HECTD4: variants seen among roughly 807,000 people sequenced by gnomAD.
HECTD4 encodes HECT domain E3 ubiquitin protein ligase 4, also known as probable E3 ubiquitin-protein ligase HECTD4.
HECTD4 carries 114 observed loss-of-function variants against 471.5 expected under a neutral mutation model. That is an observed-to-expected ratio of 0.24 (90% CI 0.21 to 0.28). The LOEUF is 0.28. Ranked by LOEUF, HECTD4 falls within the 10% of genes least tolerant of loss-of-function variation. The pLI is 1.00. For missense variants in HECTD4, 3,866 were observed against 5,651.5 expected, an observed-to-expected ratio of 0.68 and a Z score of 10.13; for synonymous variants, 2,012 against 2,256.0, an observed-to-expected ratio of 0.89 and a Z score of 3.07.
chr12:112,290,433 G>A (rs2034851687), intron 7 of HECTD4, among the ~76,000 whole-genome samples: 1 of 152,098 alleles, frequency 6.6e-6, no homozygotes, highest in Non-Finnish European at 1.5e-5. Flanking sequence ...GCAGACGTGA[G>A]AAGATCGCTT....
chr12:112,227,553 C>A (rs192825019), intron 43 of HECTD4, among the ~76,000 whole-genome samples: 5 of 152,282 alleles, frequency 3.3e-5, no homozygotes, highest in African/African-American at 1.2e-4. Context: ...CAACACCAAC[C>A]CCTGTGTGCA....
In HECTD4 at chr12:112,239,305, G is replaced by A. The variant is rs973662663; in HGVS notation, c.5106-69C>T. 8 of 1,367,502 alleles carry A rather than the reference G, an allele frequency of 5.9e-6. No homozygotes were observed. Among genetic ancestry groups the A allele is most frequent in the Admixed American group, 4.5e-5 (2 of 44,428 alleles). 84.7% of individuals were successfully genotyped at this position (1,367,502 alleles called of 1,614,324 possible). ...GACACTCAGGAAACTCTCATGTGAGGTTCAAAGGGGCATAAAACATGCTGG... is the reference window on the plus strand; with the variant it reads ...GACACTCAGGAAACTCTCATGTGAGATTCAAAGGGGCATAAAACATGCTGG... On this transcript the variant is annotated intron_variant, in intron 33 of 75. Coordinates refer to ENST00000682272, the MANE Select transcript of HECTD4 (RefSeq NM_001388303.1). This position sits in a 1 kb window ranked among gnomAD's most constrained non-coding sequence, Gnocchi z 4.9.
At chr12:112,180,276 G>A (rs1233703814) in intron 62 of HECTD4, among the ~76,000 whole-genome samples, 7 of 152,190 alleles carry the variant, frequency 4.6e-5, no homozygotes, top group East Asian at 1.9e-4. Context: ...GGCCAGGTGC[G>A]GTAGCTCACA....
In HECTD4 at chr12:112,323,961, TCTTTCTTCCTTCCTTCCTTC is replaced by T. The variant is rs1241453182; in HGVS notation, c.178-4239_178-4220del. Among the ~76,000 whole-genome samples, 309 of 43,726 alleles carry T rather than the reference TCTTTCTTCCTTCCTTCCTTC, an allele frequency of 7.1e-3. 35 individuals are homozygous for T. The highest frequency in any genetic ancestry group is 0.011 in the Admixed American group (46 of 4,222). 28.7% of individuals were successfully genotyped at this position (43,726 alleles called of 152,430 possible). On this transcript the variant is annotated intron_variant, in intron 1 of 75. Transcript: ENST00000682272. ...TTACTGAGGTGCTTCTTTCTTTCTT[TCTTTCTTCCTTCCTTCCTTC>T]CTTCCTTCCTTCCTTCCTTCCTTCC... is the stretch of plus-strand genomic sequence containing the variant.
chr12:112,229,963 GC>G (rs1193481004), intron 40 of HECTD4, 83 bp from the exon 41 acceptor site: 4 of 1,290,546 alleles, frequency 3.1e-6, no homozygotes, highest in Non-Finnish European at 4.2e-6. Flanking sequence ...CTACAACAGT[GC>G]CTGGGTCCCA....
At position 112,228,408 on chromosome 12, in the gene HECTD4, C is replaced by T. The variant is rs1414446798; in HGVS notation, c.6685-150G>A. On this transcript the variant is annotated intron_variant, in intron 42 of 75. Coordinates refer to ENST00000682272, the MANE Select transcript of HECTD4 (RefSeq NM_001388303.1). The surrounding 1 kb of genome is among the most constrained non-coding windows in gnomAD (Gnocchi z 4.9). ...CAGAAAACTACAAACCACATCAAAA[C>T]AATTAAAAATACATTGTAGAAGAGC... The T allele has an allele frequency of 1.0e-6, 1 of 982,600 alleles. No individual in the cohort carries two copies. The highest frequency in any genetic ancestry group is 3.0e-5 in the East Asian group (1 of 33,524). 60.9% of individuals were successfully genotyped at this position (982,600 alleles called of 1,614,324 possible).
intron 59 of HECTD4, 144 bp from the exon 60 acceptor site, chr12:112,191,109 T>G (rs965503915): frequency 1.5e-6 from 1 of 646,596 alleles, no homozygotes; most frequent in African/African-American, 1.8e-5. Flanking sequence ...GACACATAAC[T>G]CCTGACACTC....
At chr12:112,178,793 G>T in intron 64 of HECTD4, 138 bp downstream of exon 64, 1 of 1,027,352 alleles carries the variant, frequency 9.7e-7, no homozygotes, top group Non-Finnish European at 1.4e-6. Context: ...CTGCACTCCA[G>T]CCTGGGCGAC....
chr12:112,239,808 T>C lies in HECTD4; in HGVS notation c.5105+73A>G. 1.4e-6 allele frequency: 2 copies of C among 1,410,380 alleles called. No homozygotes were observed. The highest frequency in any genetic ancestry group is 9.5e-7 in the Non-Finnish European group (1 of 1,050,918). The allele number at this position is 1,410,380 out of a possible 1,614,324, so 87.4% of individuals were successfully genotyped here. A position where few individuals can be genotyped will look rare whatever the true frequency, so the allele number is the denominator to read the frequency against. ...AAAGCAAAAAATCCAATTTTTAAAA[T>C]TAAAAATACTTTCACTTAATCGACT... On this transcript the variant is annotated intron_variant, in intron 33 of 75. Coordinates refer to ENST00000682272, the MANE Select transcript of HECTD4 (RefSeq NM_001388303.1). This position sits in a 1 kb window ranked among gnomAD's most constrained non-coding sequence, Gnocchi z 4.9.
intron 48 of HECTD4, 96 bp downstream of exon 48, chr12:112,216,196 T>C (rs1001304100): frequency 3.7e-6 from 3 of 820,694 alleles, no homozygotes; most frequent in Non-Finnish European, 6.1e-6. Context: ...AAACTGCCCA[T>C]TTCCAATTGC....
intron 7 of HECTD4, among the ~76,000 whole-genome samples, chr12:112,291,505 G>A (rs2034884403): frequency 6.6e-6 from 1 of 152,078 alleles, no homozygotes; most frequent in South Asian, 2.1e-4. Context: ...GGAGGCTGAG[G>A]TGGGAGGGTC....
At chr12:112,370,869 T>G (rs373309773) in intron 1 of HECTD4, among the ~76,000 whole-genome samples, 1 of 152,230 alleles carries the variant, frequency 6.6e-6, no homozygotes, top group African/African-American at 2.4e-5. Flanking sequence ...TTCTCTCCTA[T>G]GCATTTGTCC....
At chr12:112,178,568 G>A (rs1737467170) in intron 64 of HECTD4, among the ~76,000 whole-genome samples, 1 of 152,200 alleles carries the variant, frequency 6.6e-6, no homozygotes, top group Admixed American at 6.5e-5. Context: ...AGTGGCTCCC[G>A]CCTGTAACCT....
intron 1 of HECTD4, among the ~76,000 whole-genome samples, chr12:112,348,482 G>A (rs1491002670): frequency 6.6e-6 from 1 of 152,114 alleles, no homozygotes; most frequent in Non-Finnish European, 1.5e-5. Flanking sequence ...TAAAAAATGT[G>A]GGCCGGGAGA....
Position 112,266,960 on chromosome 12 carries a change from G to A in HECTD4, c.2344C>T (p.Pro782Ser). 1 of 1,532,812 alleles carries A rather than the reference G, an allele frequency of 6.5e-7. No homozygotes were observed. The highest frequency in any genetic ancestry group is 8.9e-7 in the Non-Finnish European group (1 of 1,128,546). The allele number at this position is 1,532,812 out of a possible 1,614,324, so 95.0% of individuals were successfully genotyped here. Residue 782 changes from proline (P) to serine (S), a missense_variant, in exon 14 of 76, where the codon CCA becomes TCA. Physicochemically the swap from Pro to Ser is moderately conservative, Grantham distance 74. Coordinates refer to ENST00000682272, the MANE Select transcript of HECTD4 (RefSeq NM_001388303.1). ...AAGTTATTGATTTCAGTTTCACCTG[G>A]GTACAAGATATTTAAACCAGAGCTG... ...AISSGLNILY[P>S]GETEINNLLK...
rs1186223143 is a variant in HECTD4, at chr12:112,190,764, T to C, written c.9472+22A>G. The C allele has an allele frequency of 4.5e-6, 7 of 1,547,854 alleles. No homozygotes were observed. In the African/African-American group the frequency reaches 6.8e-5, roughly 15 times the overall value. On this transcript the variant is annotated intron_variant, in intron 60 of 75. Transcript: ENST00000682272. ...GCTCCACCCCCACCCTAGATTCCGA[T>C]CCCCAGGGAAGGCAGCCTCACCTAG...
intron 7 of HECTD4, among the ~76,000 whole-genome samples, chr12:112,285,810 GCCTCCTGTCA>G (rs1435951614): frequency 1.3e-5 from 2 of 151,566 alleles, no homozygotes; most frequent in Non-Finnish European, 2.9e-5. Context: ...TACTTGAACA[GCCTCCTGTCA>G]CCTAAAATTC....
rs2030659368 is a variant in HECTD4 at position 112,160,714 on chromosome 12, A to G, written c.*1673T>C. 1 of 152,236 alleles carries G rather than the reference A, an allele frequency of 6.6e-6. No individual in the cohort carries two copies. 9.4% of individuals were successfully genotyped at this position (152,236 alleles called of 1,614,324 possible). A position where few individuals can be genotyped will look rare whatever the true frequency, so the allele number is the denominator to read the frequency against. ...TTCTAATAAATCGAAAGGCTCTTTCATTATGCAGAAATGAAAATAAAAGGA... is the reference window on the plus strand; with the variant it reads ...TTCTAATAAATCGAAAGGCTCTTTCGTTATGCAGAAATGAAAATAAAAGGA... On this transcript the variant is annotated 3_prime_UTR_variant, in exon 76 of 76. Coordinates refer to ENST00000682272, the MANE Select transcript of HECTD4 (RefSeq NM_001388303.1).
intron 62 of HECTD4, 95 bp downstream of exon 62, chr12:112,182,964 T>C: frequency 1.2e-6 from 1 of 836,084 alleles, no homozygotes; most frequent in African/African-American, 1.7e-5. Context: ...TAGGGGATAC[T>C]GGGGAGGGGA....
Sources: allele counts gnomAD v4.1 joint callset (sites outside exome capture counted in the v4.1 genomes callset), GRCh38; gene constraint gnomAD v4.1.1; non-coding constraint Gnocchi (gnomAD v3.1); transcripts MANE v1.5; gene names NCBI Gene and HGNC (gene_info 2026-07-23, HGNC 2026-07-21).